Variants in HDAC9 observed in about 807,000 individuals in gnomAD.
HDAC9 encodes the protein MEF-2 interacting transcription repressor (MITR) protein.
A neutral mutation model predicts 139.4 loss-of-function variants in HDAC9; 41 were observed. The observed-to-expected ratio is 0.29, with a 90% CI of 0.23 to 0.38. The LOEUF (loss-of-function observed/expected upper bound fraction) is 0.38, where lower values mean the gene tolerates loss of function less well. Ranked by LOEUF, HDAC9 falls within the 10% of genes least tolerant of loss-of-function variation. The pLI, the probability that HDAC9 is intolerant of heterozygous loss-of-function variation, is 1.00. For missense variants in HDAC9, 1,147 were observed against 1,297.0 expected (o/e 0.88, Z 1.78); for synonymous variants, 517 against 476.2 (o/e 1.09, Z -1.12).
intron 1 of HDAC9, among the ~76,000 whole-genome samples, chr7:18,296,429 T>G (rs943657052): frequency 2.8e-4 from 43 of 151,172 alleles, no homozygotes; most frequent in African/African-American, 8.5e-4. Context: ...CATATTTGTG[T>G]GTGTGTGTGT....
Position 18,727,769 on chromosome 7 carries a change from T to A in HDAC9, c.1909+12T>A. Reference sequence around the variant, plus strand: ...TGGCTCTGCAACTGGTAGGAATCCCTAAAGACTCTCTCTAATAGGCAGGCT... The same window carrying A: ...TGGCTCTGCAACTGGTAGGAATCCCAAAAGACTCTCTCTAATAGGCAGGCT... On this transcript the variant is annotated intron_variant, in intron 13 of 25. Transcript: ENST00000686413. 1 of 1,497,482 alleles carries A rather than the reference T, an allele frequency of 6.7e-7. No individual in the cohort carries two copies. The highest frequency in any genetic ancestry group is 8.9e-7 in the Non-Finnish European group (1 of 1,129,736). The allele number at this position is 1,497,482 out of a possible 1,614,324, so 92.8% of individuals were successfully genotyped here. A position where few individuals can be genotyped will look rare whatever the true frequency, so the allele number is the denominator to read the frequency against.
chr7:18,782,813 A>G (rs938481487), intron 16 of HDAC9, among the ~76,000 whole-genome samples: 10 of 152,006 alleles, frequency 6.6e-5, no homozygotes, highest in East Asian at 1.9e-4. Flanking sequence ...CAATAATCCT[A>G]TGAGGAAGGA....
At chr7:18,516,934 A>G (rs1586579212) in intron 2 of HDAC9, among the ~76,000 whole-genome samples, 2 of 152,154 alleles carry the variant, frequency 1.3e-5, no homozygotes, top group South Asian at 4.2e-4. Flanking sequence ...AAAATCAAAC[A>G]TCTGGCATAA....
intron 2 of HDAC9, among the ~76,000 whole-genome samples, chr7:18,178,012 T>C (rs1189518568): frequency 2.0e-5 from 3 of 152,164 alleles, no homozygotes; most frequent in African/African-American, 7.2e-5. Context: ...TCTTTTCACC[T>C]CTAGTGCTAT....
intron 2 of HDAC9, among the ~76,000 whole-genome samples, chr7:18,256,708 T>C (rs907896885): frequency 6.6e-6 from 1 of 152,244 alleles, no homozygotes; most frequent in African/African-American, 2.4e-5. Context: ...GTATATTTTC[T>C]GTTTCTTAAA....
intron 1 of HDAC9, among the ~76,000 whole-genome samples, chr7:18,300,801 C>G (rs942980835): frequency 2.6e-5 from 4 of 151,934 alleles, no homozygotes; most frequent in African/African-American, 9.7e-5. Context: ...TTCTAGAAGA[C>G]AAAGATGATT....
chr7:18,753,469 C>T (rs1166692322), intron 14 of HDAC9, among the ~76,000 whole-genome samples: 1 of 152,026 alleles, frequency 6.6e-6, no homozygotes, highest in Non-Finnish European at 1.5e-5. Context: ...ATTGGGGTTA[C>T]TATTTGACCA....
At chr7:18,340,599 G>A (rs1562894669) in intron 1 of HDAC9, among the ~76,000 whole-genome samples, 1 of 151,390 alleles carries the variant, frequency 6.6e-6, no homozygotes, top group Non-Finnish European at 1.5e-5. Context: ...ATCTTCAAGT[G>A]ATATTATAGC....
chr7:18,738,158 C>A (rs1787101393), intron 13 of HDAC9, among the ~76,000 whole-genome samples: 1 of 152,144 alleles, frequency 6.6e-6, no homozygotes, highest in Non-Finnish European at 1.5e-5. Context: ...TGTGTCTCTG[C>A]AGGTGAGATG....
chr7:18,880,513 G>A, intron 22 of HDAC9, among the ~76,000 whole-genome samples: 1 of 152,096 alleles, frequency 6.6e-6, no homozygotes, highest in Non-Finnish European at 1.5e-5. Context: ...AATCATGGAT[G>A]GAGCTGGAGG....
At chr7:18,328,377 T>C (rs1463137877) in intron 1 of HDAC9, among the ~76,000 whole-genome samples, 1 of 151,874 alleles carries the variant, frequency 6.6e-6, no homozygotes, top group Non-Finnish European at 1.5e-5. Context: ...AGTGCTCTTA[T>C]GCAGGGACAG....
chr7:18,656,250 T>C (rs1791130026), intron 11 of HDAC9, among the ~76,000 whole-genome samples: 2 of 152,116 alleles, frequency 1.3e-5, no homozygotes, highest in South Asian at 4.1e-4. Context: ...AATGTACTGC[T>C]GCTCTCTTGC....
intron 2 of HDAC9, among the ~76,000 whole-genome samples, chr7:18,560,519 C>G (rs1295731643): frequency 6.6e-6 from 1 of 152,092 alleles, no homozygotes; most frequent in Non-Finnish European, 1.5e-5. Context: ...CTTCCAAAAC[C>G]TTGTTGTGTA....
At chr7:18,404,972 C>G (rs1263607852) in intron 1 of HDAC9, among the ~76,000 whole-genome samples, 1 of 152,216 alleles carries the variant, frequency 6.6e-6, no homozygotes, top group Non-Finnish European at 1.5e-5. Context: ...GCAGGGTGCA[C>G]TCACACACAC....
chr7:18,779,682 G>A lies in HDAC9; in HGVS notation c.2214+12527G>A, dbSNP rs75934358. Reference sequence around the variant, plus strand: ...AGCAAGGCTCCCACATGGTATTATTGTGAGGATCAAATGTGATAATGTAGG... The same window carrying A: ...AGCAAGGCTCCCACATGGTATTATTATGAGGATCAAATGTGATAATGTAGG... On this transcript the variant is annotated intron_variant, in intron 16 of 25. Transcript: ENST00000686413. Among the ~76,000 whole-genome samples, 123 of 152,160 alleles carry A rather than the reference G, an allele frequency of 8.1e-4. 1 individual carries two copies. The highest frequency in any genetic ancestry group is 2.9e-3 in the African/African-American group (122 of 41,550).
chr7:18,272,732 C>G (rs1177961735), intron 2 of HDAC9, among the ~76,000 whole-genome samples: 1 of 152,046 alleles, frequency 6.6e-6, no homozygotes, highest in African/African-American at 2.4e-5. Flanking sequence ...TTTGCTAATT[C>G]TTTTCAAATT....
rs151214773 is a variant in HDAC9, at chr7:18,221,459, G to A, written c.25+59110G>A. 2.0e-5 allele frequency among the ~76,000 whole-genome samples: 3 copies of A among 152,246 alleles called. No individual in the cohort carries two copies. The East Asian group carries it at 5.8e-4, about 29-fold the overall frequency. ...TGGCTACAGACCTGCTGGAAAGGGAGTAGCATTTATGAAACTCCTACATTG... is the reference window on the plus strand; with the variant it reads ...TGGCTACAGACCTGCTGGAAAGGGAATAGCATTTATGAAACTCCTACATTG... On this transcript the variant is annotated intron_variant, in intron 2 of 12. Transcript: ENST00000417496.
intron 22 of HDAC9, among the ~76,000 whole-genome samples, chr7:18,904,198 A>C (rs1585271997): frequency 1.3e-5 from 2 of 152,242 alleles, no homozygotes; most frequent in East Asian, 3.8e-4. Context: ...TTACTGAAAT[A>C]GTAAGGTTTT....
At chr7:18,321,484 C>T (rs73305291) in intron 1 of HDAC9, among the ~76,000 whole-genome samples, 3,341 of 152,212 alleles carry the variant, frequency 0.022, 126 homozygotes, top group African/African-American at 0.076. Flanking sequence ...GCTGAAGATA[C>T]TCCATTTTAA....
Sources: gnomAD v4.1 joint callset for allele counts (sites outside exome capture counted in the v4.1 genomes callset) on GRCh38, gnomAD v4.1.1 for gene constraint, MANE v1.5 for transcripts, NCBI Gene and HGNC (gene_info 2026-07-23, HGNC 2026-07-21) for gene names.